Variants in HSD17B12 observed in about 807,000 individuals in gnomAD.
The protein encoded by HSD17B12 is hydroxysteroid 17-beta dehydrogenase 12.
HSD17B12 carries 32 observed loss-of-function variants against 39.3 expected under a neutral mutation model. The observed-to-expected ratio is 0.81, with a 90% confidence interval of 0.61 to 1.09. The LOEUF (loss-of-function observed/expected upper bound fraction) is 1.09. Among genes scored for constraint, HSD17B12 ranks in the 50% least tolerant of loss-of-function variants. The pLI is 0.00. For missense variants in HSD17B12, 342 were observed against 382.9 expected (o/e 0.89, Z 0.89); for synonymous variants, 150 against 146.7 (o/e 1.02, Z -0.16).
At chr11:43,822,093 A>T (rs753013829) in intron 6 of HSD17B12, among the ~76,000 whole-genome samples, 27 of 152,262 alleles carry the variant, frequency 1.8e-4, no homozygotes, top group Non-Finnish European at 3.1e-4. Context: ...CTCTTAGGAA[A>T]TGTCCAGGCC....
chr11:43,782,510 G>A (rs151006508), intron 3 of HSD17B12, among the ~76,000 whole-genome samples: 94 of 151,976 alleles, frequency 6.2e-4, no homozygotes, highest in African/African-American at 1.6e-3. Flanking sequence ...GTGTAACCCC[G>A]TTTACTAAAA....
chr11:43,637,890 G>A, the HSD17B12 span, among the ~76,000 whole-genome samples: 2 of 152,134 alleles, frequency 1.3e-5, no homozygotes, highest in African/African-American at 4.8e-5. Context: ...ATATTTAGGT[G>A]GTTAACATTA....
chr11:43,683,053 A>T (rs1949765098), intron 1 of HSD17B12, among the ~76,000 whole-genome samples: 2 of 150,948 alleles, frequency 1.3e-5, no homozygotes, highest in African/African-American at 2.4e-5. Context: ...CAGCCTCCCA[A>T]AGTGCTGGGA....
intron 1 of HSD17B12, among the ~76,000 whole-genome samples, chr11:43,737,999 GCA>G (rs1950331921): frequency 2.7e-5 from 4 of 150,900 alleles, no homozygotes; most frequent in African/African-American, 9.7e-5. Context: ...TGTGAACCCG[GCA>G]GGCGGAGCTT....
chr11:43,600,032 A>C, the HSD17B12 span, among the ~76,000 whole-genome samples: 5 of 152,114 alleles, frequency 3.3e-5, no homozygotes, highest in Non-Finnish European at 7.4e-5. Context: ...ATTTATTTCC[A>C]GCTATGCAAG....
At chr11:43,745,290 T>C (rs1004014075) in intron 1 of HSD17B12, among the ~76,000 whole-genome samples, 1 of 152,226 alleles carries the variant, frequency 6.6e-6, no homozygotes, top group African/African-American at 2.4e-5. Context: ...GCAACAGTTA[T>C]CTGTATTCTT....
chr11:43,616,425 C>CAA, the HSD17B12 span, among the ~76,000 whole-genome samples: 25 of 62,430 alleles, frequency 4.0e-4, 3 homozygotes, highest in African/African-American at 1.1e-3. Flanking sequence ...AAACAAAAAA[C>CAA]AAAAAAAAAA....
chr11:43,784,913 C>G (rs769927912), intron 3 of HSD17B12, among the ~76,000 whole-genome samples: 1 of 152,076 alleles, frequency 6.6e-6, no homozygotes, highest in Non-Finnish European at 1.5e-5. Flanking sequence ...ACTTTTTAAA[C>G]GCCAGACACT....
At chr11:43,783,607 C>G (rs922678807) in intron 3 of HSD17B12, among the ~76,000 whole-genome samples, 2 of 151,780 alleles carry the variant, frequency 1.3e-5, no homozygotes, top group African/African-American at 4.8e-5. Flanking sequence ...ATGCGCCCTT[C>G]CCTGTGTCCA....
chr11:43,606,374 G>A, the HSD17B12 span, among the ~76,000 whole-genome samples: 1 of 152,220 alleles, frequency 6.6e-6, no homozygotes, highest in Non-Finnish European at 1.5e-5. Flanking sequence ...CAGGGCCATA[G>A]CTAAGGCTGC....
chr11:43,783,047 G>C (rs1398639126), intron 3 of HSD17B12, among the ~76,000 whole-genome samples: 1 of 152,138 alleles, frequency 6.6e-6, no homozygotes, highest in Admixed American at 6.5e-5. Flanking sequence ...AAAGTAATTG[G>C]CCTGTAATAA....
chr11:43,614,932 T>A, the HSD17B12 span, among the ~76,000 whole-genome samples: 1 of 152,176 alleles, frequency 6.6e-6, no homozygotes, highest in Non-Finnish European at 1.5e-5. Context: ...ACAACTGTGT[T>A]ATCTCTGGGT....
At chr11:43,680,672 C>T, upstream of HSD17B12, 2 of 694,430 alleles carry the variant, frequency 2.9e-6, no homozygotes, top group East Asian at 2.6e-5. Flanking sequence ...TCACCAATAG[C>T]GACACGGATA....
chr11:43,589,960 G>A, the HSD17B12 span, among the ~76,000 whole-genome samples: 2 of 152,178 alleles, frequency 1.3e-5, no homozygotes, highest in Non-Finnish European at 2.9e-5. Flanking sequence ...AAGATGAAAT[G>A]AGCTGTCAGT....
chr11:43,632,660 G>A, the HSD17B12 span, among the ~76,000 whole-genome samples: 6 of 152,240 alleles, frequency 3.9e-5, no homozygotes, highest in East Asian at 1.2e-3. Flanking sequence ...AAATGTCTTT[G>A]GATTCCAGTG....
rs751153565 is a variant in HSD17B12, at chr11:43,855,300, C to G, written c.*52C>G. 5 of 1,010,774 alleles carry G rather than the reference C, an allele frequency of 4.9e-6. No individual in the cohort carries two copies. The highest frequency in any genetic ancestry group is 7.4e-6 in the Non-Finnish European group (5 of 675,694). The allele number at this position is 1,010,774 out of a possible 1,614,324, so 62.6% of individuals were successfully genotyped here. A position where few individuals can be genotyped will look rare whatever the true frequency, so the allele number is the denominator to read the frequency against. Reference sequence around the variant, plus strand: ...CCAGATGCTCCAGCATATGCACGTTCACTGCAAAGCACCCTACTGGTTTTG... The same window carrying G: ...CCAGATGCTCCAGCATATGCACGTTGACTGCAAAGCACCCTACTGGTTTTG... On this transcript the variant is annotated 3_prime_UTR_variant, in exon 11 of 11. Transcript: ENST00000278353.
chr11:43,712,650 A>G (rs1950078739), intron 1 of HSD17B12, among the ~76,000 whole-genome samples: 1 of 152,018 alleles, frequency 6.6e-6, no homozygotes, highest in Non-Finnish European at 1.5e-5. Flanking sequence ...ATCTTCCCTA[A>G]GATGTATAAA....
At chr11:43,681,854 C>A (rs1949748834) in intron 1 of HSD17B12, among the ~76,000 whole-genome samples, 1 of 135,474 alleles carries the variant, frequency 7.4e-6, no homozygotes, top group Non-Finnish European at 1.6e-5. Context: ...TCTTTTTCAA[C>A]CTATTTTGTT....
At chr11:43,841,553 A>T (rs1225311924) in intron 9 of HSD17B12, among the ~76,000 whole-genome samples, 1 of 152,184 alleles carries the variant, frequency 6.6e-6, no homozygotes, top group African/African-American at 2.4e-5. Flanking sequence ...TAACTTTTAT[A>T]TACCTTTGAG....
Sources: gnomAD v4.1 joint callset for allele counts (sites outside exome capture counted in the v4.1 genomes callset) on GRCh38, gnomAD v4.1.1 for gene constraint, MANE v1.5 for transcripts, NCBI Gene and HGNC (gene_info 2026-07-23, HGNC 2026-07-21) for gene names.